The following RETREG1 variants were observed in gnomAD, a reference collection of about 807,000 sequenced individuals.
The protein encoded by RETREG1 is family with sequence similarity 134 member B.
In RETREG1, 44 loss-of-function variants were observed where a neutral mutation model predicts 54.8. That is an observed-to-expected ratio of 0.80 (90% CI 0.63 to 1.03). The LOEUF (loss-of-function observed/expected upper bound fraction) is 1.03. RETREG1 is among the 50% of genes least tolerant of loss of function. RETREG1 has a pLI of 0.00. For missense variants in RETREG1, 554 were observed against 605.1 expected, an observed-to-expected ratio of 0.92 and a Z score of 0.89; for synonymous variants, 217 against 238.5, an observed-to-expected ratio of 0.91 and a Z score of 0.83.
intron 3 of RETREG1, among the ~76,000 whole-genome samples, chr5:16,546,091 A>C (rs1385719848): frequency 6.6e-6 from 1 of 152,258 alleles, no homozygotes; most frequent in Non-Finnish European, 1.5e-5. Context: ...TTGAAATCCC[A>C]AGAAAGAAAC....
In RETREG1 at chr5:16,604,712, G is replaced by A. The variant is rs573596253; in HGVS notation, c.320+11940C>T. The stretch of plus-strand genomic sequence containing the variant: ...TAGGATTACCGTCAGGAGCGTGGAG[G>A]TGGCCACACCTCACCCAATGTGTTT... On this transcript the variant is annotated intron_variant, in intron 1 of 8. Coordinates refer to ENST00000306320, the MANE Select transcript of RETREG1 (RefSeq NM_001034850.3). Among the ~76,000 whole-genome samples the A allele has an allele frequency of 3.3e-5, 5 of 152,292 alleles. No homozygotes were observed. The South Asian group carries it at 1.0e-3, about 32-fold the overall frequency.
intron 2 of RETREG1, among the ~76,000 whole-genome samples, chr5:16,566,788 C>A (rs1351548114): frequency 6.6e-6 from 1 of 152,206 alleles, no homozygotes; most frequent in African/African-American, 2.4e-5. Context: ...TCTTCTAGAC[C>A]TCTTTTGAAC....
At chr5:16,592,925 A>G (rs1021288041) in intron 1 of RETREG1, among the ~76,000 whole-genome samples, 2 of 152,168 alleles carry the variant, frequency 1.3e-5, no homozygotes, top group Non-Finnish European at 2.9e-5. Flanking sequence ...AGAAGAGCAG[A>G]AAAAATAACT....
At chr5:16,606,714 C>T (rs763976683) in intron 1 of RETREG1, among the ~76,000 whole-genome samples, 1 of 152,104 alleles carries the variant, frequency 6.6e-6, no homozygotes, top group Non-Finnish European at 1.5e-5. Context: ...ACCCCAAATC[C>T]ATCTCCTCTT....
chr5:16,588,406 C>T lies in RETREG1; in HGVS notation c.321-16304G>A, dbSNP rs76725746. Among the ~76,000 whole-genome samples, 1,358 of 152,282 alleles carry T rather than the reference C, an allele frequency of 8.9e-3. 15 individuals are homozygous for T. The highest frequency in any genetic ancestry group is 0.031 in the African/African-American group (1,293 of 41,552). ...GTAACCTTGACTACCTTTAAAGGTC[C>T]TATCCCCAAATATAATCACCTTTTC... On this transcript the variant is annotated intron_variant, in intron 1 of 8. Coordinates refer to ENST00000306320, the MANE Select transcript of RETREG1 (RefSeq NM_001034850.3).
In RETREG1 at chr5:16,593,531, C is replaced by T. The variant is rs570543208; in HGVS notation, c.321-21429G>A. ...CAATGTAATCATTAATCATAAATTC[C>T]TTAAAGCACATTATCATAATAATGA... is the stretch of plus-strand genomic sequence containing the variant. On this transcript the variant is annotated intron_variant, in intron 1 of 8. Coordinates refer to ENST00000306320, the MANE Select transcript of RETREG1 (RefSeq NM_001034850.3). This position sits in a 1 kb window ranked among gnomAD's most constrained non-coding sequence, Gnocchi z 4.9. Among the ~76,000 whole-genome samples, 11 of 152,070 alleles carry T rather than the reference C, an allele frequency of 7.2e-5. No homozygotes were observed. The highest frequency in any genetic ancestry group is 1.6e-4 in the Non-Finnish European group (11 of 68,002).
intron 1 of RETREG1, among the ~76,000 whole-genome samples, 171 bp from the exon 2 acceptor site, chr5:16,572,273 C>T (rs1404629137): frequency 2.7e-5 from 4 of 149,606 alleles, no homozygotes; most frequent in African/African-American, 9.9e-5. Context: ...AGTGCAGTGG[C>T]ACTACCTCGG....
At chr5:16,563,771 C>T (rs1217876228) in intron 3 of RETREG1, among the ~76,000 whole-genome samples, 1 of 151,930 alleles carries the variant, frequency 6.6e-6, no homozygotes, top group Non-Finnish European at 1.5e-5. Flanking sequence ...GAAAATTAAT[C>T]TTTATTTCTA....
rs200587445 is a variant in RETREG1, at chr5:16,478,853, A to T, written c.805T>A (p.Ser269Thr). Residue 269 changes from serine (S) to threonine (T), a missense_variant, in exon 6 of 9, where the codon TCT becomes ACT. Ser to Thr is a moderately conservative substitution (Grantham distance 58). Transcript: ENST00000306320. Reference protein sequence around the residue: ...EYINQKKRERSEADKEKSHKD... With the variant: ...EYINQKKRERTEADKEKSHKD... ...CTAAAATATAAACTTTACCTACCAG[A>T]TCTCTCACGTTTCTTCTGATTAATA... is the stretch of plus-strand genomic sequence containing the variant. 1.2e-5 allele frequency: 20 copies of T among 1,611,718 alleles called. No homozygotes were observed. In the African/African-American group the frequency reaches 2.0e-4, roughly 16 times the overall value.
chr5:16,605,012 T>A (rs947186309), intron 1 of RETREG1, among the ~76,000 whole-genome samples: 1 of 152,126 alleles, frequency 6.6e-6, no homozygotes, highest in Admixed American at 6.5e-5. Context: ...CCATTATATA[T>A]GCACCTTGGA....
chr5:16,535,571 ATGC>A (rs1463467160), intron 3 of RETREG1, among the ~76,000 whole-genome samples: 5 of 150,228 alleles, frequency 3.3e-5, no homozygotes, highest in African/African-American at 1.2e-4. Flanking sequence ...TACTGTGTGC[ATGC>A]TGCCTTCACA....
rs530905202 is a variant in RETREG1 at position 16,513,979 on chromosome 5, T to TA, written c.459-30508dup. On this transcript the variant is annotated intron_variant, in intron 3 of 8. Transcript: ENST00000306320. ...ATTGTGTTTAATATCTAGGACAGACTAAACATATAATTTAAATTAACTTCA... is the reference window on the plus strand; with the variant it reads ...ATTGTGTTTAATATCTAGGACAGACTAAAACATATAATTTAAATTAACTTCA... Among the ~76,000 whole-genome samples, 149 of 152,364 alleles carry TA rather than the reference T, an allele frequency of 9.8e-4. 2 individuals carry two copies. Among genetic ancestry groups the TA allele is most frequent in the South Asian group, 5.2e-3 (25 of 4,828 alleles).
chr5:16,595,316 T>C (rs1477975390), intron 1 of RETREG1, among the ~76,000 whole-genome samples: 2 of 152,196 alleles, frequency 1.3e-5, no homozygotes, highest in African/African-American at 4.8e-5. Flanking sequence ...GTAGGCACCC[T>C]GTATTATGTT....
intron 1 of RETREG1, among the ~76,000 whole-genome samples, chr5:16,584,416 T>TA (rs1364801514): frequency 6.6e-6 from 1 of 152,160 alleles, no homozygotes; most frequent in Non-Finnish European, 1.5e-5. Context: ...TAAATGATTT[T>TA]AAAAAATGAA....
At chr5:16,612,758 A>ATAT (rs1743385293) in intron 1 of RETREG1, among the ~76,000 whole-genome samples, 5 of 152,126 alleles carry the variant, frequency 3.3e-5, no homozygotes, top group African/African-American at 9.7e-5. Flanking sequence ...TTCATATTTC[A>ATAT]GTATTTTTCA....
chr5:16,600,280 C>T (rs1381770733), intron 1 of RETREG1, among the ~76,000 whole-genome samples: 1 of 152,188 alleles, frequency 6.6e-6, no homozygotes, highest in Non-Finnish European at 1.5e-5. Context: ...GGATTACAGG[C>T]GTTAGCCACT....
intron 3 of RETREG1, among the ~76,000 whole-genome samples, chr5:16,535,189 T>C (rs1484989749): frequency 6.6e-6 from 1 of 152,276 alleles, no homozygotes; most frequent in African/African-American, 2.4e-5. Context: ...GTATATTTTA[T>C]AAACGTACAG....
At chr5:16,567,301 T>C (rs1742040907) in intron 2 of RETREG1, among the ~76,000 whole-genome samples, 1 of 152,176 alleles carries the variant, frequency 6.6e-6, no homozygotes, top group African/African-American at 2.4e-5. Flanking sequence ...CACTGAGAAC[T>C]AACTCGCAGA....
At chr5:16,562,163 A>G (rs1363628289) in intron 3 of RETREG1, among the ~76,000 whole-genome samples, 4 of 152,144 alleles carry the variant, frequency 2.6e-5, no homozygotes, top group African/African-American at 7.2e-5. Flanking sequence ...TAAAAATACA[A>G]AATTAGCCAG....
Sources: gnomAD v4.1 joint callset for allele counts (sites outside exome capture counted in the v4.1 genomes callset) on GRCh38, gnomAD v4.1.1 for gene constraint, Gnocchi (gnomAD v3.1) non-coding constraint, MANE v1.5 for transcripts, NCBI Gene and HGNC (gene_info 2026-07-23, HGNC 2026-07-21) for gene names.